Variants in F8 observed in about 807,000 individuals in gnomAD.
F8 encodes antihemophilic factor.
In F8, 12 loss-of-function variants were observed where a neutral mutation model predicts 140.6. The observed-to-expected ratio is 0.09, with a 90% confidence interval of 0.05 to 0.14. The LOEUF (loss-of-function observed/expected upper bound fraction) is 0.14, where lower values mean the gene tolerates loss of function less well. Among genes scored for constraint, F8 ranks in the 10% least tolerant of loss-of-function variants. The probability of loss-of-function intolerance (pLI) is 1.00; values close to 1 mark genes in which losing one functional copy is unlikely to be tolerated. For synonymous variants in F8, 585 were observed against 614.6 expected (o/e 0.95, Z 0.71); for missense variants, 1,354 against 1,720.7 (o/e 0.79, Z 3.77).
intron 10 of F8, among the ~76,000 whole-genome samples, chrX:154,958,555 C>T (rs781845796): frequency 8.9e-6 from 1 of 111,850 alleles, no homozygotes; most frequent in Non-Finnish European, 1.9e-5. Context: ...CTATGCCATT[C>T]TTCCATAAAG....
At chrX:154,840,950 C>T (rs1380598188) in intron 25 of F8, among the ~76,000 whole-genome samples, 1 of 112,002 alleles carries the variant, frequency 8.9e-6, no homozygotes, top group African/African-American at 3.2e-5. Flanking sequence ...AACATTAATA[C>T]CATCTGCTTC....
chrX:154,898,804 C>T (rs961528485), intron 21 of F8, among the ~76,000 whole-genome samples: 2 of 111,507 alleles, frequency 1.8e-5, no homozygotes, highest in African/African-American at 6.5e-5. Flanking sequence ...CACTGAAGAT[C>T]GGCAAGCTGA....
At chrX:154,942,902 A>G (rs1211531834) in intron 13 of F8, among the ~76,000 whole-genome samples, 1 of 108,143 alleles carries the variant, frequency 9.2e-6, no homozygotes, top group Admixed American at 9.9e-5. Context: ...TATAAACAGA[A>G]CCAAAGACAA....
chrX:154,971,868 A>G (rs1416888736), intron 6 of F8, among the ~76,000 whole-genome samples: 1 of 112,439 alleles, frequency 8.9e-6, no homozygotes, highest in Non-Finnish European at 1.9e-5. Flanking sequence ...TCTTTTTTAA[A>G]TGGATGAATA....
intron 22 of F8, among the ~76,000 whole-genome samples, chrX:154,880,573 A>G (rs1360134208): frequency 8.9e-6 from 1 of 112,497 alleles, no homozygotes; most frequent in East Asian, 2.8e-4. Flanking sequence ...GTATGTAAGT[A>G]TTCAGCTGTA....
At chrX:154,981,296 T>G (rs1190862291) in intron 6 of F8, among the ~76,000 whole-genome samples, 5 of 110,739 alleles carry the variant, frequency 4.5e-5, no homozygotes, top group Admixed American at 3.9e-4. Flanking sequence ...CTTCTGAAGG[T>G]AATTTCACGC....
intron 1 of F8, among the ~76,000 whole-genome samples, chrX:155,014,726 C>A (rs1488074867): frequency 8.9e-6 from 1 of 112,064 alleles, no homozygotes; most frequent in Admixed American, 9.4e-5. Context: ...TAATATAATT[C>A]TTGCAAGAAC....
chrX:155,019,073 G>C (rs1557287277), intron 1 of F8, among the ~76,000 whole-genome samples: 1 of 111,886 alleles, frequency 8.9e-6, no homozygotes, highest in African/African-American at 3.3e-5. Flanking sequence ...AAGAATGTAA[G>C]GGTATTTAGT....
At chrX:154,899,080 A>G (rs1251174790) in intron 21 of F8, among the ~76,000 whole-genome samples, 1 of 112,877 alleles carries the variant, frequency 8.9e-6, no homozygotes, top group Non-Finnish European at 1.9e-5. Flanking sequence ...GGTGAAGAAC[A>G]TAACATGTTG....
At chrX:155,020,312 T>C (rs1265497924) in intron 1 of F8, among the ~76,000 whole-genome samples, 1 of 112,405 alleles carries the variant, frequency 8.9e-6, no homozygotes, top group Non-Finnish European at 1.9e-5. Flanking sequence ...GCTATTGATC[T>C]GGATGGAAAT....
intron 2 of F8, among the ~76,000 whole-genome samples, chrX:154,998,753 C>T (rs1421785949): frequency 8.9e-6 from 1 of 112,109 alleles, no homozygotes; most frequent in Non-Finnish European, 1.9e-5. Context: ...CCTGGCCTTA[C>T]ACCTAACAAT....
At chrX:154,921,884 T>C (rs1231178895) in intron 14 of F8, among the ~76,000 whole-genome samples, 2 of 56,143 alleles carry the variant, frequency 3.6e-5, no homozygotes, top group African/African-American at 6.9e-5. Context: ...TGTTGGGGGG[T>C]GGGGGGAAGA....
At chrX:154,897,799 T>C (rs1327954900) in intron 21 of F8, 1 of 112,612 alleles carries the variant, frequency 8.9e-6, no homozygotes, top group Non-Finnish European at 1.9e-5. Flanking sequence ...AAAGCTGCAA[T>C]AGAACCAGGC....
intron 21 of F8, among the ~76,000 whole-genome samples, chrX:154,896,504 CGT>C (rs1175229358): frequency 1.3e-5 from 1 of 77,211 alleles, no homozygotes; most frequent in Non-Finnish European, 2.3e-5. Flanking sequence ...GCCCCCATTT[CGT>C]ACACACACAC....
At chrX:154,877,741 A>C (rs1454695172) in intron 22 of F8, among the ~76,000 whole-genome samples, 4 of 111,772 alleles carry the variant, frequency 3.6e-5, no homozygotes, top group African/African-American at 1.3e-4. Flanking sequence ...TGCCCTATCG[A>C]ACTGTAAGAT....
chrX:154,944,559 T>C (rs1272567216), intron 13 of F8, among the ~76,000 whole-genome samples: 1 of 111,161 alleles, frequency 9.0e-6, no homozygotes, highest in Non-Finnish European at 1.9e-5. Context: ...GGAACACTTT[T>C]ACAATGTTGG....
At chrX:154,918,776 C>T (rs782186799) in intron 14 of F8, 1 of 88,161 alleles carries the variant, frequency 1.1e-5, no homozygotes, top group Non-Finnish European at 2.1e-5. Flanking sequence ...GGTGATATCA[C>T]TCTAATCATG....
chrX:154,921,795 T>A (rs1238080725), intron 14 of F8, among the ~76,000 whole-genome samples: 1 of 107,525 alleles, frequency 9.3e-6, no homozygotes, highest in African/African-American at 3.4e-5. Context: ...AACCAAACAC[T>A]GTATGTTCTC....
At chrX:154,898,129 C>T (rs891280137) in intron 21 of F8, 1 of 112,046 alleles carries the variant, frequency 8.9e-6, no homozygotes, top group African/African-American at 3.2e-5. Flanking sequence ...TGTGCATTGC[C>T]TGGTCTTGGT....
Sources: gnomAD v4.1 joint callset for allele counts (sites outside exome capture counted in the v4.1 genomes callset) on GRCh38, gnomAD v4.1.1 for gene constraint, MANE v1.5 for transcripts, NCBI Gene and HGNC (gene_info 2026-07-23, HGNC 2026-07-21) for gene names.